Variants in ZNF678 observed in about 807,000 individuals in gnomAD.
ZNF678 encodes hypothetical protein MGC42493.
In ZNF678, 5 loss-of-function variants were observed where a neutral mutation model predicts 3.0. That is an observed-to-expected ratio of 1.69 (90% CI 0.88 to 3.56). ZNF678 has a LOEUF of 3.56. ZNF678 is among the 30% of genes most tolerant of loss of function. The pLI is 0.00. For missense variants in ZNF678, 593 were observed against 605.0 expected, an observed-to-expected ratio of 0.98 and a Z score of 0.21; for synonymous variants, 218 against 199.6, an observed-to-expected ratio of 1.09 and a Z score of -0.78.
chr1:227,663,653 G>T (rs74140335), downstream of ZNF678, among the ~76,000 whole-genome samples: 1,443 of 152,312 alleles, frequency 9.5e-3, 20 homozygotes, highest in African/African-American at 0.033. Context: ...AGGGCCTAGT[G>T]TGAAGTAAAA....
chr1:227,582,912 A>G (rs1053499631), intron 1 of ZNF678, among the ~76,000 whole-genome samples: 1 of 152,198 alleles, frequency 6.6e-6, no homozygotes, highest in Non-Finnish European at 1.5e-5. Context: ...AGTAGTTCTT[A>G]AAAGGATTAT....
intron 1 of ZNF678, among the ~76,000 whole-genome samples, chr1:227,609,368 T>G (rs913400208): frequency 1.3e-5 from 2 of 152,214 alleles, no homozygotes; most frequent in Non-Finnish European, 2.9e-5. Flanking sequence ...ATGAGAGGAT[T>G]AGTGAACTGT....
At chr1:227,611,143 G>A (rs1482947153) in intron 1 of ZNF678, among the ~76,000 whole-genome samples, 3 of 152,174 alleles carry the variant, frequency 2.0e-5, no homozygotes, top group African/African-American at 7.2e-5. Context: ...CTTCCAATGG[G>A]CTACCTCGGT....
At chr1:227,640,592 C>T (rs963934203) in intron 1 of ZNF678, among the ~76,000 whole-genome samples, 1 of 152,032 alleles carries the variant, frequency 6.6e-6, no homozygotes, top group African/African-American at 2.4e-5. Flanking sequence ...TTCCAGTTGT[C>T]GACAATAATT....
intron 1 of ZNF678, among the ~76,000 whole-genome samples, chr1:227,576,804 A>C (rs1401773937): frequency 6.6e-6 from 1 of 151,772 alleles, no homozygotes; most frequent in Non-Finnish European, 1.5e-5. Flanking sequence ...TTGGTTCTCT[A>C]GTCATTTTAG....
Position 227,563,930 on chromosome 1 carries a change from C to T in ZNF678, c.-164+206C>T, listed in dbSNP as rs184162211. Among the ~76,000 whole-genome samples the T allele has an allele frequency of 3.8e-3, 584 of 152,372 alleles. 5 individuals are homozygous for T. The highest frequency in any genetic ancestry group is 6.3e-3 in the Non-Finnish European group (432 of 68,042). ...TCTGGGCGGCTATGAAGCCGCAGCC[C>T]CGCGGGTCCCCCAGACTGTGTGCTT... On this transcript the variant is annotated intron_variant, in intron 1 of 3. Coordinates refer to ENST00000343776, the MANE Select transcript of ZNF678 (RefSeq NM_001367909.1).
chr1:227,604,168 T>C (rs548791219), intron 1 of ZNF678, among the ~76,000 whole-genome samples: 1 of 152,238 alleles, frequency 6.6e-6, no homozygotes, highest in Non-Finnish European at 1.5e-5. Flanking sequence ...TGAACCAACA[T>C]TTTCATCTCT....
rs1279705998 is a variant in ZNF678, at chr1:227,659,509, CCCAAACTTAAAGTGAAAG to C, written c.*3685_*3702del. 2 of 151,896 alleles carry C rather than the reference CCCAAACTTAAAGTGAAAG, an allele frequency of 1.3e-5. No homozygotes were observed. The highest frequency in any genetic ancestry group is 2.9e-5 in the Non-Finnish European group (2 of 68,032). 9.4% of individuals were successfully genotyped at this position (151,896 alleles called of 1,614,324 possible). On this transcript the variant is annotated 3_prime_UTR_variant, in exon 4 of 4. Coordinates refer to ENST00000343776, the MANE Select transcript of ZNF678 (RefSeq NM_001367909.1). ...CATCAGCACCAGAAACTCCAGGTGT[CCCAAACTTAAAGTGAAAG>C]CCATAGAGTCCTTTGGTGACTCCCA... is the stretch of plus-strand genomic sequence containing the variant.
chr1:227,678,992 C>A (rs1659725857), downstream of ZNF678, among the ~76,000 whole-genome samples: 1 of 151,852 alleles, frequency 6.6e-6, no homozygotes, highest in Non-Finnish European at 1.5e-5. Flanking sequence ...GGGACTAGCA[C>A]AAAGATTAAT....
intron 1 of ZNF678, among the ~76,000 whole-genome samples, chr1:227,628,895 A>C (rs1017739510): frequency 6.6e-6 from 1 of 152,242 alleles, no homozygotes; most frequent in Non-Finnish European, 1.5e-5. Context: ...TTCAAAGGCA[A>C]ACAAGAATTG....
intron 1 of ZNF678, among the ~76,000 whole-genome samples, chr1:227,565,795 T>A (rs59885016): frequency 0.13 from 20,190 of 152,236 alleles, 1,430 homozygotes; most frequent in Non-Finnish European, 0.15. Context: ...AGTCTCGCTC[T>A]GTCGCCCAGG....
chr1:227,640,707 G>A (rs999006217), intron 1 of ZNF678, among the ~76,000 whole-genome samples: 1 of 152,158 alleles, frequency 6.6e-6, no homozygotes, highest in East Asian at 1.9e-4. Context: ...AAAAAGACAA[G>A]GTGTTTAGGG....
intron 1 of ZNF678, among the ~76,000 whole-genome samples, chr1:227,632,450 G>A (rs919612328): frequency 3.3e-5 from 5 of 152,144 alleles, no homozygotes; most frequent in African/African-American, 1.2e-4. Context: ...GGCGACTGTT[G>A]AGTAGAGGCT....
At chr1:227,598,710 T>A in intron 1 of ZNF678, 1 of 524,120 alleles carries the variant, frequency 1.9e-6, no homozygotes, top group Non-Finnish European at 3.5e-6. Flanking sequence ...ATCCTTACTG[T>A]CTGATTCAGA....
At position 227,646,414 on chromosome 1, in the gene ZNF678, G is replaced by A. The variant is rs1247090990; in HGVS notation, c.-163-130G>A. The A allele has an allele frequency of 1.7e-5, 15 of 872,924 alleles. No individual in the cohort carries two copies. In the East Asian group the frequency reaches 8.7e-4, roughly 51 times the overall value. 54.1% of individuals were successfully genotyped at this position (872,924 alleles called of 1,614,324 possible). A position where few individuals can be genotyped will look rare whatever the true frequency, so the allele number is the denominator to read the frequency against. The stretch of plus-strand genomic sequence containing the variant: ...ACAGAATGCATTCGAGAATCTTTGT[G>A]TTTTAAACAATGTCTTACTGGACAG... On this transcript the variant is annotated intron_variant, in intron 1 of 3. Coordinates refer to ENST00000343776, the MANE Select transcript of ZNF678 (RefSeq NM_001367909.1).
At chr1:227,592,192 T>C (rs896943270) in intron 1 of ZNF678, among the ~76,000 whole-genome samples, 4 of 152,256 alleles carry the variant, frequency 2.6e-5, no homozygotes, top group African/African-American at 9.6e-5. Flanking sequence ...TCAGTGGTTA[T>C]GCGGGGATTT....
At position 227,657,522 on chromosome 1, in the gene ZNF678, A is replaced by ATAT. The variant is rs1659281384; in HGVS notation, c.*1694_*1695insTAT. On this transcript the variant is annotated 3_prime_UTR_variant, in exon 4 of 4. Transcript: ENST00000343776. Reference sequence around the variant, plus strand: ...TAACCATTATAATTGCCCACTATAAAGGAGTATAATGAAAGGCCATGTATT... The same window carrying ATAT: ...TAACCATTATAATTGCCCACTATAAATATGGAGTATAATGAAAGGCCATGTATT... The ATAT allele has an allele frequency of 6.6e-6, 1 of 151,976 alleles. No individual in the cohort carries two copies. Among genetic ancestry groups the ATAT allele is most frequent in the African/African-American group, 2.4e-5 (1 of 41,438 alleles). The allele number at this position is 151,976 out of a possible 1,614,324, so 9.4% of individuals were successfully genotyped here.
At chr1:227,604,390 A>C (rs953081730) in intron 1 of ZNF678, among the ~76,000 whole-genome samples, 1 of 152,158 alleles carries the variant, frequency 6.6e-6, no homozygotes, top group Admixed American at 6.5e-5. Flanking sequence ...TATCTCCCTG[A>C]GGGTTATTTT....
At chr1:227,641,249 C>T (rs923300963) in intron 1 of ZNF678, among the ~76,000 whole-genome samples, 1 of 152,166 alleles carries the variant, frequency 6.6e-6, no homozygotes, top group Admixed American at 6.5e-5. Flanking sequence ...TGTATTGGTT[C>T]AAACCCCAAG....
Sources: gnomAD v4.1 joint callset for allele counts (sites outside exome capture counted in the v4.1 genomes callset) on GRCh38, gnomAD v4.1.1 for gene constraint, MANE v1.5 for transcripts, NCBI Gene and HGNC (gene_info 2026-07-23, HGNC 2026-07-21) for gene names.